The following BCOR variants were observed in gnomAD, a reference collection of about 807,000 sequenced individuals.
The protein encoded by BCOR is BCL6 corepressor, also known as BCL-6 corepressor.
In BCOR, 10 loss-of-function variants were observed where a neutral mutation model predicts 86.7. The ratio of observed to expected loss-of-function variants is 0.12; its 90% CI spans 0.07 to 0.20. BCOR has a LOEUF of 0.20. Ranked by LOEUF, BCOR falls within the 10% of genes least tolerant of loss-of-function variation. BCOR has a pLI of 1.00. For synonymous variants in BCOR, 611 were observed against 609.0 expected, an observed-to-expected ratio of 1.00 and a Z score of -0.05; for missense variants, 1,259 against 1,452.1, an observed-to-expected ratio of 0.87 and a Z score of 2.16.
chrX:40,157,694 C>A (rs760420961), intron 1 of BCOR, among the ~76,000 whole-genome samples: 1 of 111,641 alleles, frequency 9.0e-6, no homozygotes, highest in African/African-American at 3.3e-5. Flanking sequence ...TTAGCTGCTC[C>A]CTTTGGGGGC....
chrX:40,086,499 T>G (rs1602186585), intron 1 of BCOR, among the ~76,000 whole-genome samples: 1 of 112,675 alleles, frequency 8.9e-6, no homozygotes, highest in East Asian at 2.8e-4. Context: ...AACCACAACA[T>G]ACAAACCATC....
intron 1 of BCOR, among the ~76,000 whole-genome samples, chrX:40,128,586 TG>T (rs1459361574): frequency 8.9e-6 from 1 of 112,138 alleles, no homozygotes; most frequent in Non-Finnish European, 1.9e-5. Flanking sequence ...ATGGCATCTG[TG>T]CTTACTGATT....
At chrX:40,150,498 G>C (rs1420885915) in intron 1 of BCOR, among the ~76,000 whole-genome samples, 1 of 112,391 alleles carries the variant, frequency 8.9e-6, no homozygotes, top group Non-Finnish European at 1.9e-5. Flanking sequence ...GTAGTAATTT[G>C]GGTAAAAGTT....
In BCOR at chrX:40,054,021, T is replaced by C. The variant is rs934650940; in HGVS notation, c.4841A>G (p.Tyr1614Cys). Residue 1614 changes from tyrosine (Y) to cysteine (C), a missense_variant, in exon 14 of 15, where the codon TAT (tyrosine) becomes TGT (cysteine). Physicochemically the swap from Tyr to Cys is radical, Grantham distance 194. Transcript: ENST00000378444. ...TCCTGGGGGGTTGGCTAAAACATCA[T>C]AGCCACTTTCATCATCTGGTTCTAA... The part of the protein sequence containing the change: ...SVCEPDDESG[Y>C]DVLANPPGPE... 3 of 1,211,636 alleles carry C rather than the reference T, an allele frequency of 2.5e-6. No homozygotes were observed. The highest frequency in any genetic ancestry group is 2.2e-6 in the Non-Finnish European group (2 of 895,337).
chrX:40,065,747 T>A (rs996267856), intron 6 of BCOR, among the ~76,000 whole-genome samples: 1 of 111,842 alleles, frequency 8.9e-6, no homozygotes, highest in African/African-American at 3.3e-5. Flanking sequence ...ATCCCTCTCA[T>A]CACCAGGGTT....
chrX:40,085,927 C>T (rs947722579), intron 1 of BCOR, among the ~76,000 whole-genome samples: 4 of 111,818 alleles, frequency 3.6e-5, no homozygotes, highest in African/African-American at 1.3e-4. Flanking sequence ...CAGGGCCTGG[C>T]GGGGTACCAG....
chrX:40,123,453 A>G (rs1286235103), intron 1 of BCOR, among the ~76,000 whole-genome samples: 4 of 110,334 alleles, frequency 3.6e-5, no homozygotes, highest in Admixed American at 2.9e-4. Context: ...CCCGGGTTCA[A>G]GCGATTCTCC....
Position 40,078,259 on chromosome X carries a change from C to A in BCOR, c.-40-290G>T, listed in dbSNP as rs761923815. 1.5e-3 allele frequency among the ~76,000 whole-genome samples: 169 copies of A among 112,424 alleles called. 1 individual carries two copies. Among genetic ancestry groups the A allele is most frequent in the Non-Finnish European group, 1.5e-3 (82 of 53,202 alleles). Reference sequence around the variant, plus strand: ...ACACATTCAGGGCACACCACAGCACCCGCCCACTCCCTTTCCTCTGAAAGT... The same window carrying A: ...ACACATTCAGGGCACACCACAGCACACGCCCACTCCCTTTCCTCTGAAAGT... On this transcript the variant is annotated intron_variant, in intron 1 of 14. Transcript: ENST00000378444.
At chrX:40,124,515 G>A (rs921518037) in intron 1 of BCOR, among the ~76,000 whole-genome samples, 20 of 111,081 alleles carry the variant, frequency 1.8e-4, no homozygotes, top group Non-Finnish European at 2.5e-4. Context: ...CGCCCACATC[G>A]GCTTCCCAAA....
chrX:40,074,968 C>T lies in BCOR; in HGVS notation c.378G>A (p.Pro126=). ...SERNPEMQFK[P]NTPETVEASA... is the part of the protein sequence containing the mutation. ...AAGCCTCCACTGTCTCGGGTGTATT[C>T]GGTTTGAACTGCATCTCTGGATTTC... is the stretch of plus-strand genomic sequence containing the variant. Residue 126 remains proline (P), a synonymous_variant, in exon 4 of 15, where the codon CCG becomes CCA. Coordinates refer to ENST00000378444, the MANE Select transcript of BCOR (RefSeq NM_001123385.2). 8.3e-7 allele frequency: 1 copy of T among 1,210,392 alleles called. No individual in the cohort carries two copies. Among genetic ancestry groups the T allele is most frequent in the Non-Finnish European group, 1.1e-6 (1 of 894,972 alleles).
chrX:40,119,159 C>T (rs1332490557), intron 1 of BCOR, among the ~76,000 whole-genome samples: 5 of 111,057 alleles, frequency 4.5e-5, no homozygotes, highest in Non-Finnish European at 9.4e-5. Context: ...AAGATGCAAG[C>T]ACACACAACA....
At chrX:40,080,557 C>T (rs978727688) in intron 1 of BCOR, among the ~76,000 whole-genome samples, 1 of 111,583 alleles carries the variant, frequency 9.0e-6, no homozygotes, top group Admixed American at 9.5e-5. Context: ...GGCCCAGCCC[C>T]GAAAAGGCCA....
chrX:40,081,570 G>T (rs1188795521), intron 1 of BCOR, among the ~76,000 whole-genome samples: 1 of 112,043 alleles, frequency 8.9e-6, no homozygotes, highest in Non-Finnish European at 1.9e-5. Context: ...TATAGATGAA[G>T]CTCGTTTGCT....
chrX:40,079,428 C>T (rs774169670), intron 1 of BCOR, among the ~76,000 whole-genome samples: 11 of 111,927 alleles, frequency 9.8e-5, no homozygotes, highest in Admixed American at 2.8e-4. Context: ...ATCCCAAAGC[C>T]GGTCTGTACT....
exon 1 of BCOR, chrX:40,177,102 G>C (rs771286150): frequency 9.0e-6 from 1 of 110,805 alleles, no homozygotes; most frequent in African/African-American, 3.3e-5. Context: ...CTGGGCTGGG[G>C]GGGAGGGGGC....
chrX:40,171,428 C>A (rs1476608150), intron 1 of BCOR, among the ~76,000 whole-genome samples: 1 of 111,373 alleles, frequency 9.0e-6, no homozygotes, highest in Non-Finnish European at 1.9e-5. Context: ...CCGAGTTAAT[C>A]CCAGGAGGCG....
chrX:40,111,956 ACTC>A (rs1178642472), intron 1 of BCOR, among the ~76,000 whole-genome samples: 1 of 102,323 alleles, frequency 9.8e-6, no homozygotes, highest in Non-Finnish European at 2.0e-5. Context: ...CATTTATCTC[ACTC>A]CTCAACCCCT....
At chrX:40,054,070 G>A (rs933813138) in intron 13 of BCOR, 28 bp from the exon 14 acceptor site, 1 of 1,202,870 alleles carries the variant, frequency 8.3e-7, no homozygotes, top group Non-Finnish European at 1.1e-6. Context: ...AGAGAGGAAG[G>A]AATCAGTAAA....
In BCOR at chrX:40,072,401, G is replaced by A. The variant is rs749047692; in HGVS notation, c.2945C>T (p.Thr982Ile). Residue 982 changes from threonine to isoleucine, a missense_variant, in exon 4 of 15, where the codon ACC becomes ATC. Thr to Ile is a moderately conservative substitution (Grantham distance 89, BLOSUM62 -1). Around this residue, in one of 7 missense-constraint regions of BCOR, gnomAD observed 56 missense variants for 106.6 expected, o/e 0.53. Coordinates refer to ENST00000378444, the MANE Select transcript of BCOR (RefSeq NM_001123385.2). ...CTGACTGGAATCTGCATACAGTTCG[G>A]TAGTGACACATTTGAATCGGTCACC... ...YVGDRFKCVT[T>I]ELYADSSQLS... The A allele has an allele frequency of 8.3e-7, 1 of 1,210,526 alleles. No individual in the cohort carries two copies. Among genetic ancestry groups the A allele is most frequent in the South Asian group, 1.8e-5 (1 of 56,665 alleles).
Sources: gnomAD v4.1 joint callset for allele counts (sites outside exome capture counted in the v4.1 genomes callset) on GRCh38, gnomAD v4.1.1 for gene constraint, gnomAD v4.1.1 regional missense constraint, MANE v1.5 for transcripts, NCBI Gene and HGNC (gene_info 2026-07-23, HGNC 2026-07-21) for gene names.